PES1: variants seen among roughly 807,000 people sequenced by gnomAD.
The protein encoded by PES1 is pescadillo ribosomal biogenesis factor 1.
PES1 carries 31 observed loss-of-function variants against 77.1 expected under a neutral mutation model. The observed-to-expected ratio is 0.40, with a 90% confidence interval of 0.30 to 0.54. The LOEUF (loss-of-function observed/expected upper bound fraction) is 0.54, where lower values mean the gene tolerates loss of function less well. PES1 is among the 20% of genes least tolerant of loss of function. PES1 has a pLI of 0.45. For synonymous variants in PES1, 282 were observed against 303.0 expected, an observed-to-expected ratio of 0.93 and a Z score of 0.72; for missense variants, 658 against 771.7, an observed-to-expected ratio of 0.85 and a Z score of 1.75.
intron 2 of PES1, among the ~76,000 whole-genome samples, chr22:30,597,850 G>C (rs558854593): frequency 2.1e-5 from 3 of 146,152 alleles, no homozygotes; most frequent in East Asian, 1.9e-4. Context: ...GTGGTAACTC[G>C]CTCGGTTTTT....
chr22:30,579,140 C>T lies in PES1; in HGVS notation c.1518G>A (p.Gly506=), dbSNP rs1208308901. The change falls in exon 13 of 15, where the codon GGG becomes GGA. Residue 506 remains glycine (G), a synonymous_variant. Transcript: ENST00000354694. ...LAALEEQRME[G]KKPRVMAGTL... ...CCCGCATTGCAGCTCCCCCTACCTT[C>T]CCCTCCATCCTCTGCTCTTCCAGGG... 1 of 1,608,794 alleles carries T rather than the reference C, an allele frequency of 6.2e-7. No individual in the cohort carries two copies. Among genetic ancestry groups the T allele is most frequent in the South Asian group, 1.1e-5 (1 of 91,042 alleles).
intron 1 of PES1, among the ~76,000 whole-genome samples, chr22:30,605,818 G>GGCTT (rs2087430271): frequency 6.6e-6 from 1 of 152,280 alleles, no homozygotes; most frequent in Non-Finnish European, 1.5e-5. Flanking sequence ...TTATGTCAAG[G>GGCTT]GCTTGGTTTG....
rs758989084 is a variant in PES1, at chr22:30,584,364, C to T, written c.630+1G>A. On this transcript the variant is annotated splice_donor_variant, in intron 6 of 14. Transcript: ENST00000354694. LOFTEE classifies it high-confidence loss of function. ...CGTCCCCTCCCGACAGGCACACTCA[C>T]GTCATGGGAGAAGGCATAGGGAGTG... The T allele has an allele frequency of 6.2e-7, 1 of 1,606,846 alleles. No individual in the cohort carries two copies. The highest frequency in any genetic ancestry group is 1.1e-5 in the South Asian group (1 of 89,938).
At chr22:30,597,784 A>C (rs1243319428) in intron 2 of PES1, among the ~76,000 whole-genome samples, 1 of 152,006 alleles carries the variant, frequency 6.6e-6, no homozygotes, top group African/African-American at 2.4e-5. Context: ...TGGACCAATC[A>C]GCAGTATGTG....
At chr22:30,601,839 C>G (rs2087359161) in intron 2 of PES1, 1 of 151,380 alleles carries the variant, frequency 6.6e-6, no homozygotes. Context: ...GTGGCCCAAT[C>G]TCAGCTCACT....
At chr22:30,601,158 GATTC>G (rs140462192) in intron 2 of PES1, among the ~76,000 whole-genome samples, 1,795 of 152,276 alleles carry the variant, frequency 0.012, 47 homozygotes, top group African/African-American at 0.041. Context: ...AACCTGCCTA[GATTC>G]AAAGGGAGGG....
chr22:30,598,057 G>T (rs188113856), intron 2 of PES1, among the ~76,000 whole-genome samples: 114 of 152,044 alleles, frequency 7.5e-4, no homozygotes, highest in African/African-American at 2.5e-3. Context: ...CTAGTTTTTT[G>T]TATTTTTAGT....
intron 9 of PES1, 130 bp downstream of exon 9, chr22:30,580,882 G>C: frequency 8.6e-7 from 1 of 1,165,802 alleles, no homozygotes. Context: ...TGACAATTCA[G>C]CCCATTCTTC....
upstream of PES1, among the ~76,000 whole-genome samples, chr22:30,592,929 T>C (rs1395601570): frequency 6.6e-6 from 1 of 152,140 alleles, no homozygotes; most frequent in Non-Finnish European, 1.5e-5. Flanking sequence ...CACCTTGAGA[T>C]GGTGCAGTCT....
intron 2 of PES1, among the ~76,000 whole-genome samples, chr22:30,602,859 TCTTA>T (rs969278787): frequency 2.6e-5 from 4 of 152,184 alleles, no homozygotes; most frequent in East Asian, 3.8e-4. Flanking sequence ...TGATGAAATG[TCTTA>T]CTATTACACT....
At chr22:30,598,015 C>T (rs931118564) in intron 2 of PES1, among the ~76,000 whole-genome samples, 3 of 151,200 alleles carry the variant, frequency 2.0e-5, no homozygotes, top group Non-Finnish European at 3.0e-5. Context: ...TCCCAAGTAG[C>T]TGGGACTACA....
At chr22:30,599,473 G>A (rs73881485) in intron 2 of PES1, among the ~76,000 whole-genome samples, 12,246 of 152,156 alleles carry the variant, frequency 0.08, 563 homozygotes, top group South Asian at 0.12. Context: ...GAAATCTTCC[G>A]AGTTATCAAC....
At chr22:30,583,997 G>C (rs1049344024) in intron 6 of PES1, among the ~76,000 whole-genome samples, 3 of 152,256 alleles carry the variant, frequency 2.0e-5, no homozygotes, top group Admixed American at 6.5e-5. Context: ...CTGTCCCCGT[G>C]GTGGCACCAC....
intron 2 of PES1, chr22:30,604,230 C>A (rs889719249): frequency 6.6e-6 from 1 of 152,174 alleles, no homozygotes; most frequent in African/African-American, 2.4e-5. Flanking sequence ...AATAGGATAT[C>A]AAACAGCAAA....
chr22:30,580,274 A>T, intron 10 of PES1, 96 bp from the exon 11 acceptor site: 1 of 1,476,060 alleles, frequency 6.8e-7, no homozygotes, highest in Non-Finnish European at 9.1e-7. Context: ...CAGCCCATAA[A>T]CTCACCCTCT....
upstream of PES1, among the ~76,000 whole-genome samples, chr22:30,593,591 T>C (rs867507745): frequency 2.1e-4 from 32 of 152,108 alleles, no homozygotes; most frequent in African/African-American, 7.2e-4. Context: ...GTCGTGAGCA[T>C]GTGGCCTGGG....
At chr22:30,586,568 A>G (rs1177285047) in intron 4 of PES1, among the ~76,000 whole-genome samples, 1 of 152,118 alleles carries the variant, frequency 6.6e-6, no homozygotes, top group African/African-American at 2.4e-5. Context: ...GCCTCTCTCC[A>G]CTCAACACCA....
intron 6 of PES1, 39 bp from the exon 7 acceptor site, chr22:30,581,683 G>A (rs201585294): frequency 1.5e-4 from 206 of 1,405,232 alleles, no homozygotes; most frequent in Non-Finnish European, 1.9e-4. Flanking sequence ...TGTGGGTGCA[G>A]GGATGGGGGC....
intron 7 of PES1, 40 bp downstream of exon 7, chr22:30,581,488 C>T: frequency 6.2e-7 from 1 of 1,604,362 alleles, no homozygotes; most frequent in South Asian, 1.1e-5. Flanking sequence ...GGGCTGTGGC[C>T]CCTGCACGGC....
Sources: allele counts gnomAD v4.1 joint callset (sites outside exome capture counted in the v4.1 genomes callset), GRCh38; gene constraint gnomAD v4.1.1; transcripts MANE v1.5; gene names NCBI Gene and HGNC (gene_info 2026-07-23, HGNC 2026-07-21).